ZNF675: variants seen among roughly 807,000 people sequenced by gnomAD.
The protein encoded by ZNF675 is zinc finger protein 675.
A neutral mutation model predicts 56.1 loss-of-function variants in ZNF675; 36 were observed. The observed-to-expected ratio is 0.64, with a 90% confidence interval of 0.49 to 0.85. The LOEUF (loss-of-function observed/expected upper bound fraction) is 0.85. ZNF675 is among the 40% of genes least tolerant of loss of function. ZNF675 has a pLI of 0.00. For missense variants in ZNF675, 663 were observed against 654.2 expected (o/e 1.01, Z -0.15); for synonymous variants, 200 against 218.9 (o/e 0.91, Z 0.76).
intron 1 of ZNF675, among the ~76,000 whole-genome samples, chr19:23,683,202 A>G (rs111810552): frequency 0.056 from 8,438 of 151,408 alleles, 318 homozygotes; most frequent in Non-Finnish European, 0.063. Flanking sequence ...AAAAAAAAAG[A>G]AAGTTATCTA....
chr19:23,678,259 T>C (rs1968326325), intron 1 of ZNF675, among the ~76,000 whole-genome samples: 1 of 60,494 alleles, frequency 1.7e-5, no homozygotes. Flanking sequence ...ATCAAAAATA[T>C]TCTTTTTTTT....
At chr19:23,679,909 G>C (rs1483325815) in intron 1 of ZNF675, among the ~76,000 whole-genome samples, 1 of 151,404 alleles carries the variant, frequency 6.6e-6, no homozygotes, top group African/African-American at 2.4e-5. Flanking sequence ...AGAATCACTT[G>C]AATCAGGGAG....
In ZNF675 at chr19:23,654,353, A is replaced by C. The variant is rs1444674677; in HGVS notation, c.580T>G (p.Tyr194Asp). The change falls in exon 4 of 4, where the codon TAT becomes GAT. Residue 194 changes from tyrosine (Y) to aspartate (D), a missense_variant. This residue lies in a region of ZNF675 where 617 missense variants were observed against 590.5 expected (regional missense o/e 1.04). Transcript: ENST00000359788. ...LSHLTRHERN[Y>D]TKVNFCKCEE... ...CATTTGCAGAAATTCACCTTGGTAT[A>C]ATTTCTTTCATGTCGAGTTAGGTGT... The C allele has an allele frequency of 1.9e-6, 3 of 1,612,096 alleles. No homozygotes were observed. In the African/African-American group the frequency reaches 4.0e-5, roughly 22 times the overall value.
intron 1 of ZNF675, among the ~76,000 whole-genome samples, chr19:23,679,865 C>G (rs1175354700): frequency 6.6e-6 from 1 of 151,124 alleles, no homozygotes; most frequent in East Asian, 1.9e-4. Context: ...TGGCAGGTGC[C>G]TGTAATCCCA....
intron 1 of ZNF675, among the ~76,000 whole-genome samples, chr19:23,685,853 G>A (rs1482176398): frequency 1.3e-5 from 2 of 152,170 alleles, no homozygotes; most frequent in Non-Finnish European, 2.9e-5. Flanking sequence ...ATGGGATGAG[G>A]GGTAGGCTTG....
intron 1 of ZNF675, 139 bp downstream of exon 1, chr19:23,686,892 G>A (rs932723970): frequency 3.2e-5 from 34 of 1,065,378 alleles, no homozygotes; most frequent in African/African-American, 7.8e-5. Context: ...GCAGGGGACT[G>A]AGCCGAGCTG....
intron 1 of ZNF675, among the ~76,000 whole-genome samples, chr19:23,667,624 T>C (rs1369300304): frequency 6.6e-6 from 1 of 151,936 alleles, no homozygotes; most frequent in Non-Finnish European, 1.5e-5. Flanking sequence ...AACCCTGAGC[T>C]AGACATAAAT....
intron 1 of ZNF675, among the ~76,000 whole-genome samples, chr19:23,682,391 C>T (rs984989922): frequency 5.3e-5 from 8 of 151,850 alleles, no homozygotes; most frequent in African/African-American, 1.9e-4. Flanking sequence ...TGCAATACTC[C>T]TTTGGAATTA....
At chr19:23,664,477 G>A (rs1445686992) in intron 1 of ZNF675, among the ~76,000 whole-genome samples, 1 of 152,154 alleles carries the variant, frequency 6.6e-6, no homozygotes, top group African/African-American at 2.4e-5. Context: ...CCCCTGCCAT[G>A]GACATCAGCA....
At chr19:23,662,457 T>C (rs563708089) in intron 2 of ZNF675, among the ~76,000 whole-genome samples, 2 of 152,322 alleles carry the variant, frequency 1.3e-5, no homozygotes, top group African/African-American at 4.8e-5. Context: ...GGCAACAATA[T>C]TTTATGCCAC....
Position 23,654,561 on chromosome 19 carries a change from CAACTT to C in ZNF675, c.367_371del (p.Lys123AlafsTer6). Reference sequence around the variant, plus strand: ...TAAGTCCATTATAACCTCCCTTGTGCAACTTACATTCATCCACACTTTTACAGCCT... The same window carrying C: ...TAAGTCCATTATAACCTCCCTTGTGCACATTCATCCACACTTTTACAGCCT... On this transcript the variant is annotated frameshift_variant, in exon 4 of 4. Transcript: ENST00000359788. LOFTEE classifies it high-confidence loss of function. 1 of 1,611,896 alleles carries C rather than the reference CAACTT, an allele frequency of 6.2e-7. No individual in the cohort carries two copies. The highest frequency in any genetic ancestry group is 8.5e-7 in the Non-Finnish European group (1 of 1,178,950).
chr19:23,677,428 G>A (rs1374376466), intron 1 of ZNF675, among the ~76,000 whole-genome samples: 7 of 151,754 alleles, frequency 4.6e-5, no homozygotes, highest in African/African-American at 1.7e-4. Context: ...AATCCTAGCT[G>A]GGCACGGTGG....
chr19:23,654,041 T>C lies in ZNF675; in HGVS notation c.892A>G (p.Asn298Asp). 6.2e-7 allele frequency: 1 copy of C among 1,613,592 alleles called. No homozygotes were observed. Among genetic ancestry groups the C allele is most frequent in the South Asian group, 1.1e-5 (1 of 91,070 alleles). ...ECGKAFNQFS[N>D]LTTHKKIHTG... ...TGAATTTTTTTATGTGTAGTAAGAT[T>C]TGAGAACTGGTTAAAGGCTTTGCCA... Residue 298 changes from asparagine (N) to aspartate (D), a missense_variant, in exon 4 of 4, where the codon AAT (asparagine) becomes GAT (aspartate). Asn to Asp is a conservative substitution (Grantham distance 23). Transcript: ENST00000359788.
At chr19:23,655,486 C>G (rs11672331) in intron 3 of ZNF675, 1 of 149,136 alleles carries the variant, frequency 6.7e-6, no homozygotes, top group Non-Finnish European at 1.5e-5. Flanking sequence ...GCCAGGTTTT[C>G]TTTTTTTTTA....
intron 2 of ZNF675, among the ~76,000 whole-genome samples, chr19:23,662,762 C>T (rs1818788468): frequency 6.6e-6 from 1 of 151,992 alleles, no homozygotes; most frequent in South Asian, 2.1e-4. Context: ...AATGGCTCAT[C>T]TGAGGTCACG....
chr19:23,669,312 G>A (rs1203399500), intron 1 of ZNF675, among the ~76,000 whole-genome samples: 1 of 7,980 alleles, frequency 1.3e-4, no homozygotes, highest in Non-Finnish European at 0.015. Flanking sequence ...AGTTCGCCCA[G>A]GGTGAATCAC....
chr19:23,678,385 G>C (rs1382956501), intron 1 of ZNF675, among the ~76,000 whole-genome samples: 2 of 150,636 alleles, frequency 1.3e-5, no homozygotes, highest in Non-Finnish European at 2.9e-5. Flanking sequence ...CAAGTAGCCG[G>C]ATTACAGGCA....
intron 1 of ZNF675, among the ~76,000 whole-genome samples, chr19:23,665,703 C>A (rs7248409): frequency 6.6e-6 from 1 of 152,106 alleles, no homozygotes; most frequent in Non-Finnish European, 1.5e-5. Flanking sequence ...TTCACCATGT[C>A]GGTCAGGCTG....
Position 23,654,544 on chromosome 19 carries a change from T to C in ZNF675, c.389A>G (p.Asn130Ser), listed in dbSNP as rs1168630918. ...DECKLHKGGY[N>S]GLNQCLPTMQ... Reference sequence around the variant, plus strand: ...AGTTGGTAAACATTGGTTAAGTCCATTATAACCTCCCTTGTGCAACTTACA... The same window carrying C: ...AGTTGGTAAACATTGGTTAAGTCCACTATAACCTCCCTTGTGCAACTTACA... Residue 130 changes from asparagine to serine, a missense_variant, in exon 4 of 4, where the codon AAT (asparagine) becomes AGT (serine). By Grantham distance (46) the Asn-to-Ser change is conservative. This residue lies in a region of ZNF675 where 617 missense variants were observed against 590.5 expected (regional missense o/e 1.04). Transcript: ENST00000359788. 7 of 1,608,054 alleles carry C rather than the reference T, an allele frequency of 4.4e-6. No homozygotes were observed. The highest frequency in any genetic ancestry group is 5.9e-6 in the Non-Finnish European group (7 of 1,177,270).
Sources: gnomAD v4.1 joint callset for allele counts (sites outside exome capture counted in the v4.1 genomes callset) on GRCh38, gnomAD v4.1.1 for gene constraint, gnomAD v4.1.1 regional missense constraint, MANE v1.5 for transcripts, NCBI Gene and HGNC (gene_info 2026-07-23, HGNC 2026-07-21) for gene names.